Variants in NCBP3 observed in about 807,000 individuals in gnomAD.
NCBP3 encodes nuclear cap-binding protein subunit 3.
Under a neutral mutation model 75.7 loss-of-function variants are expected in NCBP3, and 20 were observed. That is an observed-to-expected ratio of 0.26 (90% CI 0.19 to 0.38). NCBP3 has a LOEUF of 0.38. Among genes scored for constraint, NCBP3 ranks in the 10% least tolerant of loss-of-function variants. The pLI, the probability that NCBP3 is intolerant of heterozygous loss-of-function variation, is 1.00. For missense variants in NCBP3, 678 were observed against 796.9 expected (o/e 0.85, Z 1.80); for synonymous variants, 293 against 290.5 (o/e 1.01, Z -0.09).
intron 1 of NCBP3, among the ~76,000 whole-genome samples, chr17:3,843,827 A>G (rs60987352): frequency 0.019 from 2,925 of 152,254 alleles, 109 homozygotes; most frequent in African/African-American, 0.068. Context: ...TACAGGCATG[A>G]GCCACCACAC....
At chr17:3,830,502 G>T (rs1042749934) in intron 3 of NCBP3, among the ~76,000 whole-genome samples, 2 of 152,166 alleles carry the variant, frequency 1.3e-5, no homozygotes, top group Admixed American at 6.5e-5. Flanking sequence ...AGGCCAATAT[G>T]AGTCACACTG....
intron 8 of NCBP3, 65 bp downstream of exon 8, chr17:3,821,888 C>A (rs950929141): frequency 7.7e-6 from 8 of 1,034,766 alleles, no homozygotes; most frequent in African/African-American, 1.6e-5. Flanking sequence ...CATTTCACCA[C>A]GGAATACCAA....
rs754684517 is a variant in NCBP3, at chr17:3,807,802, G to C, written c.*5242C>G. On this transcript the variant is annotated 3_prime_UTR_variant, in exon 13 of 13. Coordinates refer to ENST00000389005, the MANE Select transcript of NCBP3 (RefSeq NM_001114118.3). ...TTTACAGAAGACCTGCTAGATGCCAGGCATGCTGGCAGGCACAGGGGAAAG... is the reference window on the plus strand; with the variant it reads ...TTTACAGAAGACCTGCTAGATGCCACGCATGCTGGCAGGCACAGGGGAAAG... The C allele has an allele frequency of 6.6e-6, 1 of 152,078 alleles. No homozygotes were observed. Among genetic ancestry groups the C allele is most frequent in the East Asian group, 1.9e-4 (1 of 5,172 alleles). The allele number at this position is 152,078 out of a possible 1,614,324, so 9.4% of individuals were successfully genotyped here.
chr17:3,819,143 G>A (rs2053611436), intron 9 of NCBP3, among the ~76,000 whole-genome samples: 1 of 152,212 alleles, frequency 6.6e-6, no homozygotes, highest in Admixed American at 6.5e-5. Flanking sequence ...CAAGGGGGCT[G>A]TGATGTGCCT....
chr17:3,821,692 G>A (rs2053668678), intron 8 of NCBP3, among the ~76,000 whole-genome samples: 1 of 152,122 alleles, frequency 6.6e-6, no homozygotes, highest in South Asian at 2.1e-4. Flanking sequence ...CAAAGTGCTG[G>A]GATTACAGGC....
chr17:3,814,593 G>A, intron 11 of NCBP3, 110 bp from the exon 12 acceptor site: 4 of 1,117,874 alleles, frequency 3.6e-6, no homozygotes, highest in Non-Finnish European at 5.1e-6. Context: ...CGAGGACACA[G>A]GGCCTGACAA....
At chr17:3,841,832 C>CA (rs35136635) in intron 2 of NCBP3, among the ~76,000 whole-genome samples, 50,757 of 113,676 alleles carry the variant, frequency 0.45, 10,571 homozygotes, top group East Asian at 0.61. Context: ...GACTCTGTCT[C>CA]AAAAAAAAAA....
rs751721259 is a variant in NCBP3, at chr17:3,825,075, T to C, written c.688-25A>G. The C allele has an allele frequency of 1.1e-5, 15 of 1,309,362 alleles. No individual in the cohort carries two copies. In the Admixed American group the frequency reaches 1.2e-4, roughly 11 times the overall value. The allele number at this position is 1,309,362 out of a possible 1,614,324, so 81.1% of individuals were successfully genotyped here. A position where few individuals can be genotyped will look rare whatever the true frequency, so the allele number is the denominator to read the frequency against. ...ACTTAAGAAAGAAGAGTATTTTTAATATAAAAATTAAAGTCCTTTTGATAT... is the reference window on the plus strand; with the variant it reads ...ACTTAAGAAAGAAGAGTATTTTTAACATAAAAATTAAAGTCCTTTTGATAT... On this transcript the variant is annotated intron_variant, in intron 6 of 12. Transcript: ENST00000389005.
At position 3,846,034 on chromosome 17, in the gene NCBP3, C is replaced by T; in HGVS notation, c.183+7G>A. The stretch of plus-strand genomic sequence containing the variant: ...CCTCTTCCTTACCCCCCGACCCCCG[C>T]CCGTACCGGGATCAGTTCCTTGAGC... On this transcript the variant is annotated splice_region_variant and intron_variant, in intron 1 of 12. Transcript: ENST00000389005. This position sits in a 1 kb window ranked among gnomAD's most constrained non-coding sequence, Gnocchi z 4.6. 6.5e-7 allele frequency: 1 copy of T among 1,546,352 alleles called. No individual in the cohort carries two copies. Among genetic ancestry groups the T allele is most frequent in the Non-Finnish European group, 8.7e-7 (1 of 1,144,636 alleles).
chr17:3,836,977 C>T (rs561277134), intron 3 of NCBP3, among the ~76,000 whole-genome samples: 4 of 150,022 alleles, frequency 2.7e-5, no homozygotes, highest in South Asian at 2.1e-4. Context: ...GGTGAAAACT[C>T]GTCTCTATTA....
intron 10 of NCBP3, among the ~76,000 whole-genome samples, chr17:3,816,990 G>A (rs779514512): frequency 2.0e-5 from 3 of 151,840 alleles, no homozygotes; most frequent in East Asian, 3.9e-4. Flanking sequence ...TCGTGTTATC[G>A]CTCCACTGCA....
At position 3,804,694 on chromosome 17, in the gene NCBP3, G is replaced by C. The variant is rs2053318753; in HGVS notation, c.*8350C>G. The C allele has an allele frequency of 6.6e-6, 1 of 152,316 alleles. No individual in the cohort carries two copies. Among genetic ancestry groups the C allele is most frequent in the South Asian group, 2.1e-4 (1 of 4,838 alleles). 9.4% of individuals were successfully genotyped at this position (152,316 alleles called of 1,614,324 possible). A position where few individuals can be genotyped will look rare whatever the true frequency, so the allele number is the denominator to read the frequency against. ...AAGAGTGACGGCATTGCTGAGACCAGAGCCCAGGGCTGCAGAGCAGTGGTA... is the reference window on the plus strand; with the variant it reads ...AAGAGTGACGGCATTGCTGAGACCACAGCCCAGGGCTGCAGAGCAGTGGTA... On this transcript the variant is annotated 3_prime_UTR_variant, in exon 13 of 13. Coordinates refer to ENST00000389005, the MANE Select transcript of NCBP3 (RefSeq NM_001114118.3).
rs1289691866 is a variant in NCBP3 at position 3,824,871 on chromosome 17, AAAG to A, written c.796+68_796+70del. On this transcript the variant is annotated intron_variant, in intron 7 of 12. Coordinates refer to ENST00000389005, the MANE Select transcript of NCBP3 (RefSeq NM_001114118.3). ...TTACTTGATCTAACTTCTATTCAAA[AAAG>A]AAGGATGTCACTCCATAATAAATCA... 9 of 809,790 alleles carry A rather than the reference AAAG, an allele frequency of 1.1e-5. No homozygotes were observed. In the South Asian group the frequency reaches 1.2e-4, roughly 10 times the overall value. 50.2% of individuals were successfully genotyped at this position (809,790 alleles called of 1,614,324 possible). A position where few individuals can be genotyped will look rare whatever the true frequency, so the allele number is the denominator to read the frequency against.
intron 3 of NCBP3, among the ~76,000 whole-genome samples, chr17:3,830,102 G>C (rs764619019): frequency 6.6e-6 from 1 of 152,074 alleles, no homozygotes; most frequent in African/African-American, 2.4e-5. Context: ...TTACTTCCCC[G>C]GCTGGTGGGC....
At chr17:3,817,924 TA>T (rs1314991672) in intron 10 of NCBP3, among the ~76,000 whole-genome samples, 3 of 152,038 alleles carry the variant, frequency 2.0e-5, no homozygotes, top group African/African-American at 7.3e-5. Context: ...TTATAAAAAG[TA>T]TACTTTTATA....
chr17:3,814,234 C>G, intron 12 of NCBP3, 88 bp downstream of exon 12: 1 of 1,408,692 alleles, frequency 7.1e-7, no homozygotes. Flanking sequence ...TGTTTCTTGC[C>G]TTCTGCTAAG....
At position 3,816,282 on chromosome 17, in the gene NCBP3, G is replaced by C. The variant is rs1429993519; in HGVS notation, c.1311-12C>G. On this transcript the variant is annotated splice_polypyrimidine_tract_variant and intron_variant, in intron 10 of 12. Transcript: ENST00000389005. ...CCCTCATGGAGTTCCTTTAAAAAGG[G>C]GGTAGGATGGGGCACAGTTAACCAA... 5 of 1,610,320 alleles carry C rather than the reference G, an allele frequency of 3.1e-6. No homozygotes were observed. The highest frequency in any genetic ancestry group is 2.7e-5 in the African/African-American group (2 of 74,708).
chr17:3,832,391 T>G (rs2053894240), intron 3 of NCBP3, among the ~76,000 whole-genome samples: 1 of 119,650 alleles, frequency 8.4e-6, no homozygotes, highest in South Asian at 3.0e-4. Flanking sequence ...CCCAGCACTT[T>G]GGGAGGCCGG....
In NCBP3 at chr17:3,809,289, G is replaced by A. The variant is rs2053371480; in HGVS notation, c.*3755C>T. 6.6e-6 allele frequency: 1 copy of A among 152,162 alleles called. No individual in the cohort carries two copies. Among genetic ancestry groups the A allele is most frequent in the Non-Finnish European group, 1.5e-5 (1 of 68,030 alleles). 9.4% of individuals were successfully genotyped at this position (152,162 alleles called of 1,614,324 possible). A position where few individuals can be genotyped will look rare whatever the true frequency, so the allele number is the denominator to read the frequency against. ...TTGGAAAAACCACCTGGTGGTTCCT[G>A]AAAAGGTTAAAGATAATTATGACTC... is the stretch of plus-strand genomic sequence containing the variant. On this transcript the variant is annotated 3_prime_UTR_variant, in exon 13 of 13. Coordinates refer to ENST00000389005, the MANE Select transcript of NCBP3 (RefSeq NM_001114118.3).
Sources: allele counts gnomAD v4.1 joint callset (sites outside exome capture counted in the v4.1 genomes callset), GRCh38; gene constraint gnomAD v4.1.1; non-coding constraint Gnocchi (gnomAD v3.1); transcripts MANE v1.5; gene names NCBI Gene and HGNC (gene_info 2026-07-23, HGNC 2026-07-21).